The following EIF2S2 variants were observed in gnomAD, a reference collection of about 807,000 sequenced individuals.
The protein encoded by EIF2S2 is eukaryotic translation initiation factor 2 subunit 2.
EIF2S2 carries 4 observed loss-of-function variants against 44.0 expected under a neutral mutation model. That is an observed-to-expected ratio of 0.09 (90% CI 0.04 to 0.21). EIF2S2 has a LOEUF of 0.21. Among genes scored for constraint, EIF2S2 ranks in the 10% least tolerant of loss-of-function variants. The pLI is 1.00. For synonymous variants in EIF2S2, 108 were observed against 128.3 expected, an observed-to-expected ratio of 0.84 and a Z score of 1.07; for missense variants, 154 against 392.0, an observed-to-expected ratio of 0.39 and a Z score of 5.13.
chr20:34,092,723 T>C (rs1413189293), intron 7 of EIF2S2, among the ~76,000 whole-genome samples: 1 of 152,120 alleles, frequency 6.6e-6, no homozygotes, highest in African/African-American at 2.4e-5. Flanking sequence ...AGCCTACGTA[T>C]CCACCACGGT....
At position 34,098,417 on chromosome 20, in the gene EIF2S2, A is replaced by G. The variant is rs1601533750; in HGVS notation, c.433+81T>C. On this transcript the variant is annotated intron_variant, in intron 4 of 8. Coordinates refer to ENST00000374980, the MANE Select transcript of EIF2S2 (RefSeq NM_003908.5). ...TAAGGGGCAAGAAAAAAATTTTAAA[A>G]GCACCCTCCACCCCCATCAAGGAGA... 4.6e-6 allele frequency: 7 copies of G among 1,511,472 alleles called. No homozygotes were observed. The East Asian group carries it at 1.6e-4, about 34-fold the overall frequency. The allele number at this position is 1,511,472 out of a possible 1,614,324, so 93.6% of individuals were successfully genotyped here.
chr20:34,111,367 G>C (rs575092272), intron 1 of EIF2S2, among the ~76,000 whole-genome samples: 2 of 152,140 alleles, frequency 1.3e-5, no homozygotes, highest in Non-Finnish European at 2.9e-5. Context: ...ATATCAACTA[G>C]GATAAATCTG....
chr20:34,088,627 A>C lies in EIF2S2; in HGVS notation c.*1103T>G, dbSNP rs1020980182. 7.2e-5 allele frequency: 11 copies of C among 152,690 alleles called. No homozygotes were observed. The highest frequency in any genetic ancestry group is 2.7e-4 in the African/African-American group (11 of 41,466). The allele number at this position is 152,690 out of a possible 1,614,324, so 9.5% of individuals were successfully genotyped here. A position where few individuals can be genotyped will look rare whatever the true frequency, so the allele number is the denominator to read the frequency against. The stretch of plus-strand genomic sequence containing the variant: ...CTGCTTAGTACGAAGTCGGGCAACA[A>C]GAAAGCGAGGAGCAGCGTGTATGCC... On this transcript the variant is annotated 3_prime_UTR_variant, in exon 9 of 9. Transcript: ENST00000374980.
chr20:34,107,100 C>T (rs1039838044), intron 1 of EIF2S2, among the ~76,000 whole-genome samples: 4 of 151,936 alleles, frequency 2.6e-5, no homozygotes, highest in Non-Finnish European at 5.9e-5. Flanking sequence ...ATGGTGTGAA[C>T]ATGGGCAGTG....
chr20:34,089,536 C>T lies in EIF2S2; in HGVS notation c.*194G>A, dbSNP rs1305886468. 1 of 550,520 alleles carries T rather than the reference C, an allele frequency of 1.8e-6. No homozygotes were observed. The highest frequency in any genetic ancestry group is 3.2e-5 in the East Asian group (1 of 31,570). The allele number at this position is 550,520 out of a possible 1,614,324, so 34.1% of individuals were successfully genotyped here. ...CTTACCCCATATCACGTTTCTCTGA[C>T]AGGTGTTAAAGTAGGCAATGAGTAT... is the stretch of plus-strand genomic sequence containing the variant. On this transcript the variant is annotated 3_prime_UTR_variant, in exon 9 of 9. Coordinates refer to ENST00000374980, the MANE Select transcript of EIF2S2 (RefSeq NM_003908.5).
At chr20:34,091,128 T>A (rs1181931100) in intron 7 of EIF2S2, among the ~76,000 whole-genome samples, 2 of 152,180 alleles carry the variant, frequency 1.3e-5, no homozygotes, top group African/African-American at 4.8e-5. Context: ...AAATCTCCAG[T>A]GATAACAATC....
intron 7 of EIF2S2, among the ~76,000 whole-genome samples, chr20:34,093,388 A>C (rs568209276): frequency 1.2e-4 from 18 of 152,378 alleles, no homozygotes; most frequent in African/African-American, 4.1e-4. Context: ...TATTTGCTCC[A>C]TAAAAAGACT....
At chr20:34,107,087 A>C (rs1261163358) in intron 1 of EIF2S2, among the ~76,000 whole-genome samples, 2 of 152,028 alleles carry the variant, frequency 1.3e-5, no homozygotes, top group Non-Finnish European at 2.9e-5. Flanking sequence ...CTGAGGCAGG[A>C]GAATGGTGTG....
chr20:34,095,576 T>A (rs1326718825), intron 6 of EIF2S2, among the ~76,000 whole-genome samples: 2 of 152,212 alleles, frequency 1.3e-5, no homozygotes, highest in African/African-American at 4.8e-5. Context: ...CCTCCCAAAG[T>A]GGTGGGATTA....
At chr20:34,103,604 C>T in intron 2 of EIF2S2, 39 bp from the exon 3 acceptor site, 1 of 1,491,404 alleles carries the variant, frequency 6.7e-7, no homozygotes. Flanking sequence ...AACTAAAAGG[C>T]AAAGCATCAA....
At chr20:34,093,023 G>A (rs2034185768) in intron 7 of EIF2S2, among the ~76,000 whole-genome samples, 1 of 152,136 alleles carries the variant, frequency 6.6e-6, no homozygotes, top group South Asian at 2.1e-4. Flanking sequence ...TAATTGAGAT[G>A]GCACCCAAAA....
chr20:34,104,385 T>C (rs919441740), intron 2 of EIF2S2, among the ~76,000 whole-genome samples: 2 of 152,176 alleles, frequency 1.3e-5, no homozygotes, highest in Admixed American at 6.5e-5. Flanking sequence ...TCCCCACAAC[T>C]GGGTTAGGTA....
At chr20:34,111,248 C>T (rs897776172) in intron 1 of EIF2S2, among the ~76,000 whole-genome samples, 1 of 152,220 alleles carries the variant, frequency 6.6e-6, no homozygotes, top group African/African-American at 2.4e-5. Context: ...GTGATCAAGG[C>T]TTCCTATTGC....
At position 34,089,549 on chromosome 20, in the gene EIF2S2, A is replaced by T; in HGVS notation, c.*181T>A. ...ACGTTTCTCTGACAGGTGTTAAAGT[A>T]GGCAATGAGTATGTCAACAGCTTGA... On this transcript the variant is annotated 3_prime_UTR_variant, in exon 9 of 9. Coordinates refer to ENST00000374980, the MANE Select transcript of EIF2S2 (RefSeq NM_003908.5). 1.7e-6 allele frequency: 1 copy of T among 582,522 alleles called. No homozygotes were observed. The highest frequency in any genetic ancestry group is 4.5e-4 in the Middle Eastern group (1 of 2,216). The allele number at this position is 582,522 out of a possible 1,614,324, so 36.1% of individuals were successfully genotyped here.
chr20:34,112,225 A>G lies in EIF2S2; in HGVS notation c.-115T>C. On this transcript the variant is annotated 5_prime_UTR_variant, in exon 1 of 9. The change abolishes an upstream ATG in the 5' untranslated region. Transcript: ENST00000374980. ...TCCCACCACCGCACTAGGCTCTTGC[A>G]TCAGCGAAAGGAAACGACACCCCGC... 3 of 1,198,160 alleles carry G rather than the reference A, an allele frequency of 2.5e-6. No homozygotes were observed. The highest frequency in any genetic ancestry group is 3.3e-6 in the Non-Finnish European group (3 of 902,604). The allele number at this position is 1,198,160 out of a possible 1,614,324, so 74.2% of individuals were successfully genotyped here. A position where few individuals can be genotyped will look rare whatever the true frequency, so the allele number is the denominator to read the frequency against.
At chr20:34,106,513 C>T (rs923688954) in intron 1 of EIF2S2, among the ~76,000 whole-genome samples, 4 of 150,344 alleles carry the variant, frequency 2.7e-5, no homozygotes, top group African/African-American at 4.9e-5. Flanking sequence ...CTGAATCCAA[C>T]CTTGACCTCC....
At chr20:34,095,829 TACA>T (rs987006306) in intron 6 of EIF2S2, among the ~76,000 whole-genome samples, 13 of 152,188 alleles carry the variant, frequency 8.5e-5, no homozygotes, top group Non-Finnish European at 1.3e-4. Flanking sequence ...CCATATTTTC[TACA>T]ACAAGCATGT....
In EIF2S2 at chr20:34,103,562, G is replaced by C. The variant is rs752023488; in HGVS notation, c.197C>G (p.Ala66Gly). ...ADEEDTRKKD[A>G]SDDLDDLNFF... is the part of the protein sequence containing the mutation. The stretch of plus-strand genomic sequence containing the variant: ...GTTCAAGTCATCTAGATCATCAGAA[G>C]CATCTAAAAAGACCAAGGCATAATT... The change falls in exon 3 of 9, where the codon GCT (alanine) becomes GGT (glycine). Residue 66 changes from alanine to glycine, a missense_variant. This residue lies in a region of EIF2S2 where 134 missense variants were observed against 225.0 expected (regional missense o/e 0.60). Coordinates refer to ENST00000374980, the MANE Select transcript of EIF2S2 (RefSeq NM_003908.5). The C allele has an allele frequency of 6.4e-7, 1 of 1,560,110 alleles. No individual in the cohort carries two copies.
At chr20:34,092,783 T>TTTC (rs1397463872) in intron 7 of EIF2S2, among the ~76,000 whole-genome samples, 1 of 152,122 alleles carries the variant, frequency 6.6e-6, no homozygotes, top group Non-Finnish European at 1.5e-5. Context: ...ATCCCAACAG[T>TTTC]TTAAAGAGAG....
Sources: gnomAD v4.1 joint callset for allele counts (sites outside exome capture counted in the v4.1 genomes callset) on GRCh38, gnomAD v4.1.1 for gene constraint, gnomAD v4.1.1 regional missense constraint, MANE v1.5 for transcripts, NCBI Gene and HGNC (gene_info 2026-07-23, HGNC 2026-07-21) for gene names.